The following DDC variants were observed in gnomAD, a reference collection of about 807,000 sequenced individuals.
DDC encodes dopa decarboxylase.
Under a neutral mutation model 60.0 loss-of-function variants are expected in DDC, and 43 were observed. The ratio of observed to expected loss-of-function variants is 0.72; its 90% CI spans 0.56 to 0.92. The LOEUF (loss-of-function observed/expected upper bound fraction) is 0.92, where lower values mean the gene tolerates loss of function less well. DDC is among the 40% of genes least tolerant of loss of function. The pLI is 0.00. For missense variants in DDC, 573 were observed against 620.2 expected, an observed-to-expected ratio of 0.92 and a Z score of 0.81; for synonymous variants, 232 against 234.6, an observed-to-expected ratio of 0.99 and a Z score of 0.10.
At position 50,460,069 on chromosome 7, in the gene DDC, C is replaced by A. The variant is rs1245613291; in HGVS notation, c.*19-1226G>T. Among the ~76,000 whole-genome samples the A allele has an allele frequency of 3.4e-4, 49 of 145,008 alleles. 1 individual carries two copies. The highest frequency in any genetic ancestry group is 6.9e-4 in the Non-Finnish European group (46 of 66,212). ...CCGGGAAGGAGGTGGGGGGGGTCAG[C>A]CCCCCGCCCGGCCAGCCGCCCCATC... On this transcript the variant is annotated intron_variant, in intron 14 of 14. Transcript: ENST00000444124.
intron 4 of DDC, among the ~76,000 whole-genome samples, chr7:50,531,230 A>T (rs1289041637): frequency 6.6e-6 from 1 of 152,198 alleles, no homozygotes; most frequent in East Asian, 1.9e-4. Flanking sequence ...CAGCCATCCC[A>T]GGAAACCCAG....
intron 6 of DDC, among the ~76,000 whole-genome samples, chr7:50,515,318 T>C (rs960265639): frequency 2.6e-5 from 4 of 152,122 alleles, no homozygotes; most frequent in Non-Finnish European, 4.4e-5. Flanking sequence ...AAGCATCATA[T>C]ATGAAGGAAA....
At chr7:50,560,731 T>C (rs2045324858) in intron 1 of DDC, among the ~76,000 whole-genome samples, 1 of 152,068 alleles carries the variant, frequency 6.6e-6, no homozygotes, top group African/African-American at 2.4e-5. Flanking sequence ...TAAAAAGCAA[T>C]CCAAAGTTTC....
At chr7:50,479,896 AC>A in intron 9 of DDC, 33 bp from the exon 10 acceptor site, 2 of 1,577,874 alleles carry the variant, frequency 1.3e-6, no homozygotes, top group African/African-American at 1.3e-5. Flanking sequence ...AGGGCTGATA[AC>A]CAAGTACCCT....
intron 6 of DDC, among the ~76,000 whole-genome samples, chr7:50,512,396 G>T (rs143101924): frequency 6.6e-5 from 10 of 152,322 alleles, no homozygotes; most frequent in African/African-American, 2.2e-4. Context: ...CCTACTGGCA[G>T]AATCTGTTTG....
At chr7:50,486,614 A>G (rs547096689) in intron 9 of DDC, among the ~76,000 whole-genome samples, 6 of 152,270 alleles carry the variant, frequency 3.9e-5, no homozygotes, top group African/African-American at 1.4e-4. Flanking sequence ...CTTCCTCCTC[A>G]TTCACATGTT....
intron 1 of DDC, among the ~76,000 whole-genome samples, chr7:50,551,129 A>T (rs2044978289): frequency 6.6e-6 from 1 of 151,802 alleles, no homozygotes; most frequent in African/African-American, 2.4e-5. Flanking sequence ...ATATTGCCAA[A>T]TTTTCCCCTA....
intron 6 of DDC, among the ~76,000 whole-genome samples, chr7:50,513,199 G>A (rs1334339496): frequency 6.6e-6 from 1 of 152,198 alleles, no homozygotes; most frequent in Non-Finnish European, 1.5e-5. Flanking sequence ...CTCCTCTCCT[G>A]AACACACACC....
At position 50,517,825 on chromosome 7, in the gene DDC, T is replaced by TAAA. The variant is rs59421951; in HGVS notation, c.714+10309_714+10311dup. On this transcript the variant is annotated intron_variant, in intron 6 of 14. Coordinates refer to ENST00000444124, the MANE Select transcript of DDC (RefSeq NM_001082971.2). ...AAATCAAGAACACTTTTATAATAGC[T>TAAA]AAAAAAAAAAAAAAAAAAAAACCTT... Among the ~76,000 whole-genome samples, 99 of 76,140 alleles carry TAAA rather than the reference T, an allele frequency of 1.3e-3. 1 individual carries two copies. Among genetic ancestry groups the TAAA allele is most frequent in the Middle Eastern group, 7.7e-3 (1 of 130 alleles). 50.0% of individuals were successfully genotyped at this position (76,140 alleles called of 152,430 possible). A position where few individuals can be genotyped will look rare whatever the true frequency, so the allele number is the denominator to read the frequency against.
chr7:50,508,445 C>T (rs927629789), intron 6 of DDC, among the ~76,000 whole-genome samples: 11 of 152,224 alleles, frequency 7.2e-5, no homozygotes, highest in African/African-American at 2.4e-4. Flanking sequence ...CTTGCCCCTT[C>T]GACTAGCCCT....
At chr7:50,474,978 G>A (rs1199055490) in intron 11 of DDC, among the ~76,000 whole-genome samples, 1 of 152,192 alleles carries the variant, frequency 6.6e-6, no homozygotes, top group Non-Finnish European at 1.5e-5. Context: ...GGAAAGCAAG[G>A]GACTTTCCCA....
At chr7:50,538,084 A>T in intron 3 of DDC, 105 bp from the exon 4 acceptor site, 1 of 1,374,814 alleles carries the variant, frequency 7.3e-7, no homozygotes, top group Non-Finnish European at 1.0e-6. Flanking sequence ...CCAGATTAAA[A>T]TCACCCAATC....
At chr7:50,460,161 AG>A in intron 14 of DDC, among the ~76,000 whole-genome samples, 1 of 139,636 alleles carries the variant, frequency 7.2e-6, no homozygotes, top group Non-Finnish European at 1.5e-5. Context: ...CTGCCTGGCC[AG>A]CCGCCCCGTC....
At chr7:50,510,734 C>T (rs955609316) in intron 6 of DDC, among the ~76,000 whole-genome samples, 3 of 149,988 alleles carry the variant, frequency 2.0e-5, no homozygotes, top group Non-Finnish European at 4.4e-5. Context: ...GTAATCACAG[C>T]ACTTTGGGAG....
At chr7:50,518,295 G>A (rs981871227) in intron 6 of DDC, among the ~76,000 whole-genome samples, 4 of 151,372 alleles carry the variant, frequency 2.6e-5, no homozygotes, top group Admixed American at 6.6e-5. Flanking sequence ...TCAATATTGT[G>A]AAAATGACCA....
chr7:50,549,874 G>T (rs948931429), intron 1 of DDC, among the ~76,000 whole-genome samples: 5 of 152,156 alleles, frequency 3.3e-5, no homozygotes, highest in Non-Finnish European at 7.3e-5. Flanking sequence ...TGATAAAATT[G>T]GACAGATTAG....
chr7:50,518,041 C>T (rs1197048873), intron 6 of DDC, among the ~76,000 whole-genome samples: 3 of 151,616 alleles, frequency 2.0e-5, no homozygotes, highest in Non-Finnish European at 4.4e-5. Flanking sequence ...AACCCCATCT[C>T]TACTAAAAAA....
At chr7:50,556,951 C>G (rs1344479801) in intron 1 of DDC, among the ~76,000 whole-genome samples, 1 of 152,202 alleles carries the variant, frequency 6.6e-6, no homozygotes, top group African/African-American at 2.4e-5. Context: ...TGGCTGACGT[C>G]TTGGAGTCTC....
chr7:50,525,293 C>A (rs568476739), intron 6 of DDC, among the ~76,000 whole-genome samples: 1 of 152,192 alleles, frequency 6.6e-6, no homozygotes, highest in Admixed American at 6.5e-5. Context: ...TGAATCAACA[C>A]TTGTGATAAA....
Sources: gnomAD v4.1 joint callset for allele counts (sites outside exome capture counted in the v4.1 genomes callset) on GRCh38, gnomAD v4.1.1 for gene constraint, MANE v1.5 for transcripts, NCBI Gene and HGNC (gene_info 2026-07-23, HGNC 2026-07-21) for gene names.